Variants in DCC observed in about 807,000 individuals in gnomAD.
DCC encodes DCC netrin 1 receptor.
Under a neutral mutation model 172.5 loss-of-function variants are expected in DCC, and 58 were observed. The observed-to-expected ratio is 0.34, with a 90% CI of 0.27 to 0.42. DCC has a LOEUF of 0.42. DCC is among the 10% of genes least tolerant of loss of function. The probability of loss-of-function intolerance (pLI) is 1.00; values close to 1 mark genes in which losing one functional copy is unlikely to be tolerated. For missense variants in DCC, 1,740 were observed against 1,791.0 expected, an observed-to-expected ratio of 0.97 and a Z score of 0.51; for synonymous variants, 709 against 644.5, an observed-to-expected ratio of 1.10 and a Z score of -1.52.
chr18:52,673,405 G>C (rs965235910), intron 1 of DCC, among the ~76,000 whole-genome samples: 1 of 152,140 alleles, frequency 6.6e-6, no homozygotes, highest in African/African-American at 2.4e-5. Context: ...TTTGGAGAAT[G>C]TCCCATAATT....
At chr18:53,388,129 T>A (rs1411863754) in intron 16 of DCC, among the ~76,000 whole-genome samples, 1 of 152,242 alleles carries the variant, frequency 6.6e-6, no homozygotes, top group Non-Finnish European at 1.5e-5. Flanking sequence ...GAAATAATAC[T>A]AAAAGTTGGA....
At chr18:52,798,061 A>ACGAAGGTTGCTTGCT (rs1182768577) in intron 2 of DCC, among the ~76,000 whole-genome samples, 4 of 152,182 alleles carry the variant, frequency 2.6e-5, no homozygotes, top group Admixed American at 6.5e-5. Context: ...GGTTGCTTGC[A>ACGAAGGTTGCTTGCT]CGAAGGTTGC....
intron 11 of DCC, among the ~76,000 whole-genome samples, chr18:53,214,067 T>G (rs533335514): frequency 2.0e-5 from 3 of 152,166 alleles, no homozygotes; most frequent in African/African-American, 7.2e-5. Flanking sequence ...AATAAATATC[T>G]TTTTCCTTAT....
At chr18:52,959,275 T>A (rs1468714325) in intron 5 of DCC, among the ~76,000 whole-genome samples, 2 of 152,120 alleles carry the variant, frequency 1.3e-5, no homozygotes, top group Non-Finnish European at 2.9e-5. Context: ...AGTAACTAGG[T>A]AGAAACTGGT....
intron 8 of DCC, among the ~76,000 whole-genome samples, chr18:53,177,184 T>A (rs1374230525): frequency 2.1e-5 from 2 of 97,040 alleles, no homozygotes; most frequent in Admixed American, 2.5e-4. Context: ...TGTTGTGGGG[T>A]GGGGGGAGCG....
intron 2 of DCC, among the ~76,000 whole-genome samples, chr18:52,847,031 C>A (rs997454169): frequency 1.3e-5 from 2 of 152,150 alleles, no homozygotes; most frequent in Non-Finnish European, 2.9e-5. Context: ...TAGAATGAAT[C>A]CATTTTTAAA....
At chr18:52,992,136 T>C (rs1371492902) in intron 5 of DCC, among the ~76,000 whole-genome samples, 1 of 152,172 alleles carries the variant, frequency 6.6e-6, no homozygotes, top group East Asian at 1.9e-4. Flanking sequence ...TTTATGCGAA[T>C]GGTGGAAGCA....
chr18:52,877,538 C>T (rs2039421451), intron 2 of DCC, among the ~76,000 whole-genome samples: 1 of 151,936 alleles, frequency 6.6e-6, no homozygotes, highest in Admixed American at 6.6e-5. Context: ...GTAAGACTGT[C>T]TCTATAAAAA....
intron 1 of DCC, among the ~76,000 whole-genome samples, chr18:52,470,482 T>C (rs1027444702): frequency 1.3e-5 from 2 of 152,218 alleles, no homozygotes; most frequent in Non-Finnish European, 2.9e-5. Context: ...GGAAGGGATC[T>C]GAGTCTTTTC....
chr18:52,882,417 C>T (rs967271856), intron 2 of DCC, among the ~76,000 whole-genome samples: 3 of 151,414 alleles, frequency 2.0e-5, no homozygotes, highest in African/African-American at 7.3e-5. Flanking sequence ...GATGTAGACA[C>T]TTATAACTAT....
At chr18:52,866,401 T>C (rs138278502) in intron 2 of DCC, among the ~76,000 whole-genome samples, 3,194 of 152,300 alleles carry the variant, frequency 0.021, 57 homozygotes, top group Admixed American at 0.04. Flanking sequence ...ATATGAAATA[T>C]AAAGTTTTTT....
At position 52,978,922 on chromosome 18, in the gene DCC, A is replaced by T. The variant is rs558497251; in HGVS notation, c.985+53552A>T. On this transcript the variant is annotated intron_variant, in intron 5 of 28. Coordinates refer to ENST00000442544, the MANE Select transcript of DCC (RefSeq NM_005215.4). ...CTTTTTTATGGCTGAGTAGTATTCT[A>T]TGGTGTATATGTACCACATTTTTAA... Among the ~76,000 whole-genome samples the T allele has an allele frequency of 5.5e-4, 83 of 152,128 alleles. 1 individual carries two copies. Among genetic ancestry groups the T allele is most frequent in the Admixed American group, 5.3e-3 (81 of 15,274 alleles).
chr18:53,154,654 A>G (rs1248973640), intron 7 of DCC, among the ~76,000 whole-genome samples: 1 of 152,142 alleles, frequency 6.6e-6, no homozygotes, highest in Non-Finnish European at 1.5e-5. Context: ...GAGACGCAAT[A>G]GTGTGGGTAG....
chr18:53,324,985 G>A (rs1293748197), intron 14 of DCC, among the ~76,000 whole-genome samples: 2 of 151,894 alleles, frequency 1.3e-5, no homozygotes, highest in Admixed American at 6.6e-5. Context: ...TTGAGGTCAG[G>A]AGTTCAAGAC....
At chr18:53,312,779 A>AATCT (rs2057290586) in intron 13 of DCC, among the ~76,000 whole-genome samples, 1 of 130,328 alleles carries the variant, frequency 7.7e-6, no homozygotes, top group Admixed American at 9.0e-5. Context: ...ACTGCAGTCC[A>AATCT]GCCTGGGCGA....
intron 15 of DCC, among the ~76,000 whole-genome samples, chr18:53,362,774 C>T (rs977053117): frequency 6.6e-6 from 1 of 151,742 alleles, no homozygotes; most frequent in South Asian, 2.1e-4. Flanking sequence ...AAGAAGGGAC[C>T]CTTCCACCGC....
At chr18:53,257,067 C>G (rs1020507289) in intron 12 of DCC, among the ~76,000 whole-genome samples, 3 of 152,116 alleles carry the variant, frequency 2.0e-5, no homozygotes, top group Admixed American at 2.0e-4. Context: ...GATTTTGTAT[C>G]CTGAGACTTT....
intron 8 of DCC, among the ~76,000 whole-genome samples, chr18:53,169,316 T>A (rs954473242): frequency 1.3e-5 from 2 of 152,310 alleles, no homozygotes; most frequent in South Asian, 4.1e-4. Context: ...TCACAAAAAA[T>A]TAACGCTTCT....
At chr18:52,488,756 A>G (rs1145254) in intron 1 of DCC, among the ~76,000 whole-genome samples, 152,191 of 152,200 alleles carry the variant, frequency 1, 76,091 homozygotes, top group Middle Eastern at 1. Flanking sequence ...GTTTCTAGGC[A>G]GGAGGCATCT....
Sources: gnomAD v4.1 joint callset for allele counts (sites outside exome capture counted in the v4.1 genomes callset) on GRCh38, gnomAD v4.1.1 for gene constraint, MANE v1.5 for transcripts, NCBI Gene and HGNC (gene_info 2026-07-23, HGNC 2026-07-21) for gene names.